MICU1: variants seen among roughly 807,000 people sequenced by gnomAD.
MICU1 encodes mitochondrial calcium uptake 1, also known as calcium uptake protein 1, mitochondrial.
A neutral mutation model predicts 56.8 loss-of-function variants in MICU1; 45 were observed. The observed-to-expected ratio is 0.79, with a 90% CI of 0.62 to 1.02. The LOEUF is 1.02. Among genes scored for constraint, MICU1 ranks in the 50% least tolerant of loss-of-function variants. The pLI is 0.00. For missense variants in MICU1, 504 were observed against 587.1 expected, an observed-to-expected ratio of 0.86 and a Z score of 1.46; for synonymous variants, 186 against 195.1, an observed-to-expected ratio of 0.95 and a Z score of 0.39.
chr10:72,394,563 T>C (rs1589166394), intron 10 of MICU1, among the ~76,000 whole-genome samples: 1 of 151,076 alleles, frequency 6.6e-6, no homozygotes, highest in African/African-American at 2.4e-5. Context: ...GAGGCAGAGG[T>C]TTCAGTGAGC....
At chr10:72,477,401 G>A in intron 6 of MICU1, 145 bp from the exon 7 acceptor site, 2 of 1,204,540 alleles carry the variant, frequency 1.7e-6, no homozygotes, top group Non-Finnish European at 2.3e-6. Context: ...AATGGAAAAT[G>A]AAACTGCATT....
intron 1 of MICU1, among the ~76,000 whole-genome samples, chr10:72,624,773 G>T (rs1249490237): frequency 2.0e-5 from 3 of 152,170 alleles, no homozygotes; most frequent in Non-Finnish European, 2.9e-5. Context: ...TTCTTAAGTG[G>T]AAGAGACAAT....
intron 10 of MICU1, among the ~76,000 whole-genome samples, chr10:72,399,188 C>A (rs559216721): frequency 6.6e-6 from 1 of 152,096 alleles, no homozygotes; most frequent in South Asian, 2.1e-4. Flanking sequence ...TGGAAACCAT[C>A]ATTCTGAGCA....
chr10:72,491,718 T>G (rs917118873), intron 6 of MICU1, among the ~76,000 whole-genome samples: 2 of 152,166 alleles, frequency 1.3e-5, no homozygotes, highest in Non-Finnish European at 2.9e-5. Context: ...ATGGAGGTAC[T>G]CTAGGTACAT....
At chr10:72,519,816 T>A (rs1381837513) in intron 5 of MICU1, among the ~76,000 whole-genome samples, 1 of 152,236 alleles carries the variant, frequency 6.6e-6, no homozygotes, top group Non-Finnish European at 1.5e-5. Flanking sequence ...TTTCAAGTTA[T>A]AAAGTTAAAA....
At chr10:72,623,228 G>A (rs1356230767) in intron 1 of MICU1, among the ~76,000 whole-genome samples, 7 of 130,098 alleles carry the variant, frequency 5.4e-5, no homozygotes, top group South Asian at 2.4e-4. Context: ...CCAAAATCGC[G>A]CCATTGCACT....
intron 6 of MICU1, among the ~76,000 whole-genome samples, chr10:72,493,830 G>C (rs577918082): frequency 3.9e-5 from 6 of 152,122 alleles, no homozygotes; most frequent in Non-Finnish European, 7.4e-5. Flanking sequence ...TAAACATGTA[G>C]AAAAGGAATT....
intron 9 of MICU1, among the ~76,000 whole-genome samples, chr10:72,411,715 CAGTT>C (rs1002229164): frequency 1.3e-5 from 2 of 152,090 alleles, no homozygotes; most frequent in South Asian, 2.1e-4. Context: ...ATTCCTAAAA[CAGTT>C]AGGGCATGGT....
chr10:72,618,278 T>G (rs1409497146), intron 1 of MICU1, among the ~76,000 whole-genome samples: 1 of 152,176 alleles, frequency 6.6e-6, no homozygotes, highest in African/African-American at 2.4e-5. Flanking sequence ...CTTTATTATT[T>G]TTTTGAAATG....
At chr10:72,402,984 G>A (rs1398946966) in intron 10 of MICU1, among the ~76,000 whole-genome samples, 3 of 152,218 alleles carry the variant, frequency 2.0e-5, no homozygotes, top group South Asian at 4.1e-4. Flanking sequence ...CATGGAGGCT[G>A]CAGTGAGCCA....
At chr10:72,404,672 A>C (rs1231658741) in intron 10 of MICU1, among the ~76,000 whole-genome samples, 1 of 152,232 alleles carries the variant, frequency 6.6e-6, no homozygotes. Flanking sequence ...AAATTCAATA[A>C]CATAGATGAC....
intron 10 of MICU1, among the ~76,000 whole-genome samples, chr10:72,378,608 T>C (rs1203699587): frequency 6.6e-6 from 1 of 152,194 alleles, no homozygotes; most frequent in Non-Finnish European, 1.5e-5. Context: ...TAGTTCTTTA[T>C]AGCAATGCAA....
At chr10:72,492,821 A>ATAAAATAAAATAAAG (rs377005427) in intron 6 of MICU1, among the ~76,000 whole-genome samples, 216 of 150,068 alleles carry the variant, frequency 1.4e-3, no homozygotes, top group African/African-American at 4.7e-3. Flanking sequence ...ATAAAATAAA[A>ATAAAATAAAATAAAG]TAAAATGTAT....
At chr10:72,373,489 T>C (rs140693927) in intron 11 of MICU1, among the ~76,000 whole-genome samples, 423 of 152,354 alleles carry the variant, frequency 2.8e-3, no homozygotes, top group African/African-American at 9.6e-3. Flanking sequence ...CTTTGGCATT[T>C]TGACCTAAGA....
intron 8 of MICU1, among the ~76,000 whole-genome samples, chr10:72,461,013 A>T (rs1419180825): frequency 1.3e-5 from 2 of 152,192 alleles, no homozygotes; most frequent in Non-Finnish European, 2.9e-5. Flanking sequence ...CACCGTGGAC[A>T]TCATTTTGTC....
chr10:72,534,586 G>C (rs1839577332), intron 4 of MICU1, among the ~76,000 whole-genome samples: 1 of 152,148 alleles, frequency 6.6e-6, no homozygotes, highest in South Asian at 2.1e-4. Flanking sequence ...GGAGAAATTA[G>C]TACTCAGTTA....
At chr10:72,411,224 G>A (rs1404452426) in intron 9 of MICU1, among the ~76,000 whole-genome samples, 1 of 152,122 alleles carries the variant, frequency 6.6e-6, no homozygotes. Flanking sequence ...ATTATTTAAT[G>A]GTAAGGAGTT....
chr10:72,384,334 G>A (rs112878180), intron 10 of MICU1, among the ~76,000 whole-genome samples: 3 of 152,274 alleles, frequency 2.0e-5, no homozygotes, highest in African/African-American at 7.2e-5. Flanking sequence ...TCTCAAGGTA[G>A]TAAACCTTGA....
chr10:72,456,965 G>A (rs1313763438), intron 8 of MICU1, among the ~76,000 whole-genome samples: 1 of 150,528 alleles, frequency 6.6e-6, no homozygotes, highest in Non-Finnish European at 1.5e-5. Context: ...GTGTGTGTGT[G>A]TGTGTGTGTG....
Sources: gnomAD v4.1 joint callset for allele counts (sites outside exome capture counted in the v4.1 genomes callset) on GRCh38, gnomAD v4.1.1 for gene constraint, MANE v1.5 for transcripts, NCBI Gene and HGNC (gene_info 2026-07-23, HGNC 2026-07-21) for gene names.